The following GPHN variants were observed in gnomAD, a reference collection of about 807,000 sequenced individuals.
GPHN encodes gephyrin.
A neutral mutation model predicts 95.5 loss-of-function variants in GPHN; 17 were observed. The observed-to-expected ratio is 0.18, with a 90% CI of 0.12 to 0.27. The LOEUF is 0.27. GPHN is among the 10% of genes least tolerant of loss of function. The pLI, the probability that GPHN is intolerant of heterozygous loss-of-function variation, is 1.00. For missense variants in GPHN, 660 were observed against 978.1 expected, an observed-to-expected ratio of 0.67 and a Z score of 4.34; for synonymous variants, 320 against 322.5, an observed-to-expected ratio of 0.99 and a Z score of 0.08.
the GPHN span, among the ~76,000 whole-genome samples, chr14:67,408,475 G>A: frequency 3.3e-5 from 5 of 152,102 alleles, no homozygotes; most frequent in Non-Finnish European, 2.9e-5. Context: ...TGAAAATAGG[G>A]TCTTTGCAGA....
the GPHN span, among the ~76,000 whole-genome samples, chr14:67,244,810 C>T: frequency 6.8e-4 from 103 of 152,158 alleles, 5 homozygotes; most frequent in Non-Finnish European, 2.9e-5. Flanking sequence ...ATCCTAATCC[C>T]TGGAACCTGT....
At chr14:67,705,117 C>T in the GPHN span, among the ~76,000 whole-genome samples, 4 of 152,282 alleles carry the variant, frequency 2.6e-5, no homozygotes, top group South Asian at 2.1e-4. Context: ...TGGGAAGACA[C>T]GCCAATAAAG....
the GPHN span, among the ~76,000 whole-genome samples, chr14:67,367,294 G>A: frequency 2.6e-5 from 4 of 152,254 alleles, no homozygotes; most frequent in African/African-American, 4.8e-5. Flanking sequence ...GCAGTGGCAC[G>A]ATCTTGGCTC....
chr14:66,602,951 C>A (rs2062327758), intron 1 of GPHN, among the ~76,000 whole-genome samples: 1 of 151,792 alleles, frequency 6.6e-6, no homozygotes, highest in South Asian at 2.1e-4. Context: ...TGGTCAAGTT[C>A]CCCTCCTCTC....
intron 4 of GPHN, among the ~76,000 whole-genome samples, chr14:66,878,453 T>G (rs2063771009): frequency 6.6e-6 from 1 of 152,184 alleles, no homozygotes; most frequent in African/African-American, 2.4e-5. Flanking sequence ...GAGAAAATTT[T>G]TGCAATGTCT....
chr14:67,685,691 C>T, the GPHN span, among the ~76,000 whole-genome samples: 8 of 152,004 alleles, frequency 5.3e-5, no homozygotes, highest in African/African-American at 1.7e-4. Context: ...CATGATCTTC[C>T]TTCTGCCACT....
chr14:67,256,670 C>T, the GPHN span, among the ~76,000 whole-genome samples: 1 of 152,060 alleles, frequency 6.6e-6, no homozygotes, highest in Non-Finnish European at 1.5e-5. Flanking sequence ...GCCTCAGCCT[C>T]CCAAGTAGCT....
the GPHN span, among the ~76,000 whole-genome samples, chr14:67,319,012 C>G: frequency 1.3e-5 from 2 of 151,130 alleles, no homozygotes; most frequent in Non-Finnish European, 2.9e-5. Context: ...GAGCCGAGAT[C>G]GCGCCACTGC....
At chr14:67,155,779 TCTA>T (rs2153714093) in intron 18 of GPHN, among the ~76,000 whole-genome samples, 1 of 152,090 alleles carries the variant, frequency 6.6e-6, no homozygotes, top group East Asian at 1.9e-4. Context: ...TTCTAGGAGC[TCTA>T]CTAATCTCGA....
chr14:67,579,710 T>G, the GPHN span: 1 of 1,610,866 alleles, frequency 6.2e-7, no homozygotes, highest in South Asian at 1.1e-5. Flanking sequence ...GGAACTCTTC[T>G]CCCGCCTCAG....
At chr14:66,580,546 A>C (rs915705726) in intron 1 of GPHN, among the ~76,000 whole-genome samples, 1 of 151,860 alleles carries the variant, frequency 6.6e-6, no homozygotes, top group African/African-American at 2.4e-5. Context: ...GGATCATAAG[A>C]GACAACTATG....
the GPHN span, among the ~76,000 whole-genome samples, chr14:67,313,408 A>G: frequency 6.6e-6 from 1 of 152,294 alleles, no homozygotes; most frequent in East Asian, 1.9e-4. Flanking sequence ...CAGCTAGGCT[A>G]TGTGGTATAG....
the GPHN span, chr14:67,571,846 C>T: frequency 1.9e-6 from 3 of 1,613,840 alleles, no homozygotes; most frequent in Non-Finnish European, 2.5e-6. Context: ...ATCTCGGTCC[C>T]CTCCTCTGAG....
At chr14:67,474,466 A>G in the GPHN span, among the ~76,000 whole-genome samples, 3 of 152,286 alleles carry the variant, frequency 2.0e-5, no homozygotes, top group African/African-American at 7.2e-5. Flanking sequence ...CAGCAGGCCT[A>G]TCCACTGGGG....
the GPHN span, among the ~76,000 whole-genome samples, chr14:67,661,269 G>A: frequency 1.4e-5 from 2 of 139,426 alleles, no homozygotes; most frequent in African/African-American, 2.7e-5. Flanking sequence ...TGCTTCTATA[G>A]GGCTAGAGCA....
In GPHN at chr14:66,586,260, C is replaced by T. The variant is rs1338520733; in HGVS notation, c.64+77669C>T. ...TGGTTTGGTAGATCTTCCTCCATCCCTTTATTTTGAGCCTATGTGTGTCTG... is the reference window on the plus strand; with the variant it reads ...TGGTTTGGTAGATCTTCCTCCATCCTTTTATTTTGAGCCTATGTGTGTCTG... On this transcript the variant is annotated intron_variant, in intron 1 of 22. Transcript: ENST00000478722. 2.0e-5 allele frequency among the ~76,000 whole-genome samples: 3 copies of T among 152,000 alleles called. No homozygotes were observed. The East Asian group carries it at 5.8e-4, about 29-fold the overall frequency.
chr14:67,204,529 G>C, the GPHN span: 1 of 1,610,222 alleles, frequency 6.2e-7, no homozygotes, highest in Non-Finnish European at 8.5e-7. Flanking sequence ...CCGTGTGCTT[G>C]TTTGCAGGTT....
intron 1 of GPHN, among the ~76,000 whole-genome samples, chr14:66,617,734 TTTA>T (rs2063111435): frequency 6.6e-6 from 1 of 152,166 alleles, no homozygotes; most frequent in Non-Finnish European, 1.5e-5. Context: ...GATATTGAAT[TTTA>T]TTATTTTTTT....
chr14:66,976,917 G>C (rs192325179), intron 9 of GPHN, among the ~76,000 whole-genome samples: 1 of 77,936 alleles, frequency 1.3e-5, no homozygotes, highest in Non-Finnish European at 2.1e-5. Flanking sequence ...GAAATATGTG[G>C]GGGGGGGGGG....
Sources: gnomAD v4.1 joint callset for allele counts (sites outside exome capture counted in the v4.1 genomes callset) on GRCh38, gnomAD v4.1.1 for gene constraint, MANE v1.5 for transcripts, NCBI Gene and HGNC (gene_info 2026-07-23, HGNC 2026-07-21) for gene names.